ZNF385B: variants seen among roughly 807,000 people sequenced by gnomAD.
The protein encoded by ZNF385B is zinc finger protein 385B.
Under a neutral mutation model 39.2 loss-of-function variants are expected in ZNF385B, and 23 were observed. That is an observed-to-expected ratio of 0.59 (90% confidence interval 0.42 to 0.83). ZNF385B has a LOEUF of 0.83. Among genes scored for constraint, ZNF385B ranks in the 40% least tolerant of loss-of-function variants. The pLI, the probability that ZNF385B is intolerant of heterozygous loss-of-function variation, is 0.00. For missense variants in ZNF385B, 552 were observed against 598.9 expected (o/e 0.92, Z 0.82); for synonymous variants, 205 against 222.6 (o/e 0.92, Z 0.70).
chr2:179,454,480 A>G (rs909100105), intron 6 of ZNF385B, among the ~76,000 whole-genome samples: 2 of 150,668 alleles, frequency 1.3e-5, no homozygotes, highest in Admixed American at 1.3e-4. Flanking sequence ...TTTTATAATA[A>G]TTATTTTAGA....
intron 1 of ZNF385B, among the ~76,000 whole-genome samples, chr2:179,843,884 C>T (rs138102929): frequency 4.1e-4 from 63 of 152,350 alleles, no homozygotes; most frequent in Non-Finnish European, 6.6e-4. Context: ...AAAAGGAATT[C>T]TAATAACATG....
At chr2:179,489,466 C>A (rs12471789) in intron 5 of ZNF385B, among the ~76,000 whole-genome samples, 39,687 of 151,982 alleles carry the variant, frequency 0.26, 5,367 homozygotes, top group East Asian at 0.38. Context: ...AAACCATAAT[C>A]TTACATTAAA....
At chr2:179,513,728 G>T (rs934536063) in intron 5 of ZNF385B, among the ~76,000 whole-genome samples, 1 of 152,178 alleles carries the variant, frequency 6.6e-6, no homozygotes, top group Non-Finnish European at 1.5e-5. Context: ...GAACTTCAAT[G>T]GTCCTTCCAA....
intron 1 of ZNF385B, among the ~76,000 whole-genome samples, chr2:179,791,156 G>T (rs1031614622): frequency 6.6e-6 from 1 of 152,104 alleles, no homozygotes; most frequent in African/African-American, 2.4e-5. Flanking sequence ...CACTTCTCTT[G>T]CCAGGATGAT....
chr2:179,664,090 C>T (rs1372589698), intron 3 of ZNF385B, among the ~76,000 whole-genome samples: 4 of 136,976 alleles, frequency 2.9e-5, no homozygotes, highest in Admixed American at 7.3e-5. Context: ...GCAAGTGGTT[C>T]TTTTGGTTTC....
rs888374303 is a variant in ZNF385B at position 179,554,560 on chromosome 2, G to A, written c.299-9591C>T. Among the ~76,000 whole-genome samples, 11 of 149,042 alleles carry A rather than the reference G, an allele frequency of 7.4e-5. 1 individual carries two copies. The highest frequency in any genetic ancestry group is 2.5e-4 in the African/African-American group (10 of 39,480). On this transcript the variant is annotated intron_variant, in intron 3 of 9. Coordinates refer to ENST00000410066, the MANE Select transcript of ZNF385B (RefSeq NM_152520.6). The stretch of plus-strand genomic sequence containing the variant: ...GTATCTTTGTGACCTTGGACTAAGC[G>A]AAGGTCTCTTAAACAGGAAACAAAA...
At chr2:179,499,356 T>G (rs2105717386) in intron 5 of ZNF385B, among the ~76,000 whole-genome samples, 1 of 151,800 alleles carries the variant, frequency 6.6e-6, no homozygotes, top group South Asian at 2.1e-4. Context: ...AAAAATTGTG[T>G]GCCAATATCT....
intron 1 of ZNF385B, among the ~76,000 whole-genome samples, chr2:179,792,343 G>C (rs1277487535): frequency 6.7e-6 from 1 of 149,598 alleles, no homozygotes; most frequent in Non-Finnish European, 1.5e-5. Flanking sequence ...TTCAAGCAGT[G>C]ACTGAAGAAG....
At chr2:179,657,155 A>G (rs1693871561) in intron 3 of ZNF385B, among the ~76,000 whole-genome samples, 1 of 152,174 alleles carries the variant, frequency 6.6e-6, no homozygotes, top group Admixed American at 6.5e-5. Flanking sequence ...TCACAACTGT[A>G]CTTCAGTCCA....
intron 3 of ZNF385B, among the ~76,000 whole-genome samples, chr2:179,752,284 A>G (rs1405891690): frequency 6.6e-6 from 1 of 152,200 alleles, no homozygotes; most frequent in Admixed American, 6.5e-5. Context: ...TTATGGCTGC[A>G]TAGTATTCCA....
chr2:179,545,786 C>T (rs2060194532), intron 3 of ZNF385B, among the ~76,000 whole-genome samples: 1 of 152,134 alleles, frequency 6.6e-6, no homozygotes, highest in South Asian at 2.1e-4. Flanking sequence ...TAGGTACCTA[C>T]ATTTATGAGG....
intron 3 of ZNF385B, chr2:179,562,629 A>G (rs1197193386): frequency 1.0e-6 from 1 of 978,118 alleles, no homozygotes; most frequent in East Asian, 1.1e-4. Flanking sequence ...GGGAGAGGGC[A>G]GAAAACCTTC....
chr2:179,504,670 A>AG (rs1451297293), intron 5 of ZNF385B, among the ~76,000 whole-genome samples: 2,104 of 150,542 alleles, frequency 0.014, 59 homozygotes, highest in African/African-American at 0.047. Context: ...GGGTGGGGAG[A>AG]GGGGGGAGGG....
chr2:179,493,760 T>TGTATACATATGTGTATATACATAC (rs2055755888), intron 5 of ZNF385B, among the ~76,000 whole-genome samples: 2 of 89,000 alleles, frequency 2.2e-5, no homozygotes, highest in Admixed American at 1.1e-4. Context: ...TATATACATA[T>TGTATACATATGTGTATATACATAC]ATGTATACAT....
chr2:179,443,083 C>G lies in ZNF385B; in HGVS notation c.*167G>C. 1.3e-6 allele frequency: 1 copy of G among 759,608 alleles called. No homozygotes were observed. Among genetic ancestry groups the G allele is most frequent in the Non-Finnish European group, 2.2e-6 (1 of 446,018 alleles). The allele number at this position is 759,608 out of a possible 1,614,324, so 47.1% of individuals were successfully genotyped here. ...TATAGGAGCAGTCTCTAAAAGCCCT[C>G]GTCAATCTAGTGATGTGTTTCTCTC... is the stretch of plus-strand genomic sequence containing the variant. On this transcript the variant is annotated 3_prime_UTR_variant, in exon 10 of 10. Coordinates refer to ENST00000410066, the MANE Select transcript of ZNF385B (RefSeq NM_152520.6).
intron 3 of ZNF385B, among the ~76,000 whole-genome samples, chr2:179,686,627 T>A (rs572798660): frequency 1.3e-5 from 2 of 152,034 alleles, no homozygotes; most frequent in Non-Finnish European, 2.9e-5. Context: ...ATGTTTTGAG[T>A]TTATGATTTA....
chr2:179,517,579 T>C (rs1280190167), intron 5 of ZNF385B, among the ~76,000 whole-genome samples: 2 of 152,104 alleles, frequency 1.3e-5, no homozygotes, highest in African/African-American at 2.4e-5. Flanking sequence ...TAATGGTATA[T>C]GCAAACAAGA....
chr2:179,722,812 T>C (rs996221627), intron 3 of ZNF385B, among the ~76,000 whole-genome samples: 3 of 152,072 alleles, frequency 2.0e-5, no homozygotes, highest in Non-Finnish European at 2.9e-5. Flanking sequence ...ATCTGCAACA[T>C]AGAAAACTGA....
At chr2:179,449,527 A>G (rs993603687) in intron 6 of ZNF385B, among the ~76,000 whole-genome samples, 2 of 152,198 alleles carry the variant, frequency 1.3e-5, no homozygotes, top group African/African-American at 4.8e-5. Flanking sequence ...TAAAATACCT[A>G]GGAATCCAAC....
Sources: gnomAD v4.1 joint callset for allele counts (sites outside exome capture counted in the v4.1 genomes callset) on GRCh38, gnomAD v4.1.1 for gene constraint, MANE v1.5 for transcripts, NCBI Gene and HGNC (gene_info 2026-07-23, HGNC 2026-07-21) for gene names.